Variants in REG4 observed in about 807,000 individuals in gnomAD.
The protein encoded by REG4 is regenerating islet-derived protein 4.
Under a neutral mutation model 22.3 loss-of-function variants are expected in REG4, and 16 were observed. That is an observed-to-expected ratio of 0.72 (90% CI 0.49 to 1.09). The LOEUF is 1.09. Ranked by LOEUF, REG4 falls within the 50% of genes least tolerant of loss-of-function variation. REG4 has a pLI of 0.00. For missense variants in REG4, 214 were observed against 193.9 expected, an observed-to-expected ratio of 1.10 and a Z score of -0.61; for synonymous variants, 71 against 69.2, an observed-to-expected ratio of 1.03 and a Z score of -0.13.
chr1:119,799,036 T>C (rs1654017456), intron 4 of REG4, among the ~76,000 whole-genome samples: 1 of 152,116 alleles, frequency 6.6e-6, no homozygotes. Flanking sequence ...GATGGACACA[T>C]ACATATTCGT....
intron 2 of REG4, among the ~76,000 whole-genome samples, chr1:119,807,176 G>A (rs1311351709): frequency 6.6e-6 from 1 of 152,182 alleles, no homozygotes; most frequent in Non-Finnish European, 1.5e-5. Flanking sequence ...AACTCACTGT[G>A]GAAGCAATAA....
Position 119,794,360 on chromosome 1 carries a change from C to T in REG4, c.*258G>A, listed in dbSNP as rs373373654. Reference sequence around the variant, plus strand: ...TGGAGATGCACTCTTCTAGACTGCTCGAGACAGCCAGAGACAGGGGAGGAG... The same window carrying T: ...TGGAGATGCACTCTTCTAGACTGCTTGAGACAGCCAGAGACAGGGGAGGAG... On this transcript the variant is annotated 3_prime_UTR_variant, in exon 6 of 6. Coordinates refer to ENST00000256585, the MANE Select transcript of REG4 (RefSeq NM_032044.4). 34 of 599,696 alleles carry T rather than the reference C, an allele frequency of 5.7e-5. No homozygotes were observed. The highest frequency in any genetic ancestry group is 9.0e-5 in the Non-Finnish European group (29 of 323,112). 37.1% of individuals were successfully genotyped at this position (599,696 alleles called of 1,614,324 possible). A position where few individuals can be genotyped will look rare whatever the true frequency, so the allele number is the denominator to read the frequency against.
Position 119,807,320 on chromosome 1 carries a change from A to G in REG4, c.67+1383T>C, listed in dbSNP as rs587695563. Among the ~76,000 whole-genome samples the G allele has an allele frequency of 3.9e-4, 59 of 152,376 alleles. No individual in the cohort carries two copies. The Middle Eastern group carries it at 0.014, about 35-fold the overall frequency. On this transcript the variant is annotated intron_variant, in intron 2 of 5. Transcript: ENST00000256585. ...GGGAGGTTCCCCCAAGATAGTAAGAATAAGTAGAATGTCCTTCTGCAGCTG... is the reference window on the plus strand; with the variant it reads ...GGGAGGTTCCCCCAAGATAGTAAGAGTAAGTAGAATGTCCTTCTGCAGCTG...
intron 4 of REG4, 102 bp from the exon 5 acceptor site, chr1:119,798,704 C>T: frequency 6.4e-6 from 5 of 786,876 alleles, no homozygotes; most frequent in South Asian, 1.8e-5. Flanking sequence ...TCATTGCAAA[C>T]ATTGGGAAAG....
chr1:119,808,045 G>T (rs969088841), intron 2 of REG4, among the ~76,000 whole-genome samples: 15 of 152,178 alleles, frequency 9.9e-5, no homozygotes, highest in Admixed American at 8.5e-4. Flanking sequence ...GTGTGACATT[G>T]GGCAAATCTC....
chr1:119,802,946 C>A (rs1654161780), intron 3 of REG4, 122 bp downstream of exon 3: 1 of 1,565,242 alleles, frequency 6.4e-7, no homozygotes, highest in Non-Finnish European at 8.7e-7. Flanking sequence ...TTTCACCAGC[C>A]AAAGGGGCTT....
intron 2 of REG4, among the ~76,000 whole-genome samples, chr1:119,805,302 A>G (rs965186102): frequency 6.6e-6 from 1 of 152,186 alleles, no homozygotes; most frequent in African/African-American, 2.4e-5. Context: ...ATGCCTTCCA[A>G]TGTAATACCA....
chr1:119,799,228 C>T (rs1449185285), intron 4 of REG4, among the ~76,000 whole-genome samples: 3 of 151,984 alleles, frequency 2.0e-5, no homozygotes, highest in Admixed American at 6.6e-5. Context: ...ACAAAAACCA[C>T]TCACGTCATT....
At chr1:119,809,780 A>G (rs1163331027) in intron 1 of REG4, among the ~76,000 whole-genome samples, 1 of 152,158 alleles carries the variant, frequency 6.6e-6, no homozygotes, top group Non-Finnish European at 1.5e-5. Context: ...GGGCTGTGAT[A>G]TTTACCTCAT....
intron 3 of REG4, chr1:119,802,152 C>T (rs1340850888): frequency 5.6e-6 from 1 of 179,552 alleles, no homozygotes; most frequent in Middle Eastern, 2.8e-3. Context: ...CTGTTTCTCT[C>T]CCCTTTTTAT....
intron 5 of REG4, among the ~76,000 whole-genome samples, chr1:119,796,074 G>A (rs1653932631): frequency 6.6e-6 from 1 of 152,196 alleles, no homozygotes; most frequent in African/African-American, 2.4e-5. Flanking sequence ...AGGCCACGGA[G>A]CCATTAGCCT....
chr1:119,801,089 G>C (rs748350481), intron 3 of REG4: 9 of 152,136 alleles, frequency 5.9e-5, no homozygotes, highest in Middle Eastern at 3.2e-3. Flanking sequence ...TTTAAGGATT[G>C]TATGAAACAC....
Position 119,794,662 on chromosome 1 carries a change from C to T in REG4, c.433G>A (p.Glu145Lys), listed in dbSNP as rs150927973. 1.3e-5 allele frequency: 21 copies of T among 1,613,992 alleles called. No homozygotes were observed. Among genetic ancestry groups the T allele is most frequent in the East Asian group, 2.2e-5 (1 of 44,894 alleles). Residue 145 changes from glutamate to lysine, a missense_variant, in exon 6 of 6, where the codon GAA (glutamate) becomes AAA (lysine). Coordinates refer to ENST00000256585, the MANE Select transcript of REG4 (RefSeq NM_032044.4). ...NNNFLTWSSN[E>K]CNKRQHFLCK... Reference sequence around the variant, plus strand: ...AGGAAGTGTTGGCGCTTGTTGCATTCGTTGCTGCTCCAAGTTAAAAAGTCT... The same window carrying T: ...AGGAAGTGTTGGCGCTTGTTGCATTTGTTGCTGCTCCAAGTTAAAAAGTCT...
chr1:119,796,428 G>A (rs1381977195), intron 5 of REG4, among the ~76,000 whole-genome samples: 2 of 152,184 alleles, frequency 1.3e-5, no homozygotes, highest in African/African-American at 4.8e-5. Flanking sequence ...GTCAGAAAGG[G>A]TGAGAGAGGG....
intron 3 of REG4, among the ~76,000 whole-genome samples, chr1:119,800,332 G>T (rs1363086992): frequency 6.6e-6 from 1 of 152,212 alleles, no homozygotes; most frequent in East Asian, 1.9e-4. Context: ...CACTGTCAAT[G>T]AATCTATGAT....
At chr1:119,805,503 G>A (rs781188679) in intron 2 of REG4, among the ~76,000 whole-genome samples, 11 of 152,076 alleles carry the variant, frequency 7.2e-5, no homozygotes, top group Admixed American at 4.6e-4. Context: ...TGTTTCCCCT[G>A]GATCCAAGCC....
At chr1:119,803,460 T>C (rs1232971542) in intron 2 of REG4, among the ~76,000 whole-genome samples, 10 of 152,184 alleles carry the variant, frequency 6.6e-5, no homozygotes, top group Non-Finnish European at 1.3e-4. Context: ...GTTATGGAAG[T>C]CAGGTGATCA....
At chr1:119,803,886 G>A (rs1014100056) in intron 2 of REG4, among the ~76,000 whole-genome samples, 2 of 152,126 alleles carry the variant, frequency 1.3e-5, no homozygotes, top group African/African-American at 4.8e-5. Flanking sequence ...GATAGAAACA[G>A]CAAGCACTTA....
chr1:119,805,766 T>C (rs1461176147), intron 2 of REG4, among the ~76,000 whole-genome samples: 1 of 152,156 alleles, frequency 6.6e-6, no homozygotes, highest in Non-Finnish European at 1.5e-5. Context: ...CCTCCTTGCC[T>C]ATGACTGTCT....
Sources: allele counts gnomAD v4.1 joint callset (sites outside exome capture counted in the v4.1 genomes callset), GRCh38; gene constraint gnomAD v4.1.1; transcripts MANE v1.5; gene names NCBI Gene and HGNC (gene_info 2026-07-23, HGNC 2026-07-21).